The following GRM4 variants were observed in gnomAD, a reference collection of about 807,000 sequenced individuals.
The protein encoded by GRM4 is glutamate metabotropic receptor 4.
Under a neutral mutation model 81.7 loss-of-function variants are expected in GRM4, and 28 were observed. The observed-to-expected ratio is 0.34, with a 90% CI of 0.25 to 0.47. The LOEUF (loss-of-function observed/expected upper bound fraction) is 0.47. Among genes scored for constraint, GRM4 ranks in the 20% least tolerant of loss-of-function variants. The pLI, the probability that GRM4 is intolerant of heterozygous loss-of-function variation, is 1.00. For missense variants in GRM4, 948 were observed against 1,290.0 expected (o/e 0.73, Z 4.06); for synonymous variants, 488 against 528.8 (o/e 0.92, Z 1.06).
chr6:34,036,817 G>A lies in GRM4; in HGVS notation c.1507-214C>T, dbSNP rs1020716060. ...TAACTCAGACATAATTGACCTACAG[G>A]GAATCCTGACTGAACCCGAAACTCT... On this transcript the variant is annotated intron_variant, in intron 8 of 10. Transcript: ENST00000538487. The surrounding 1 kb of genome is among the most constrained non-coding windows in gnomAD (Gnocchi z 9.0). Among the ~76,000 whole-genome samples, 3 of 152,158 alleles carry A rather than the reference G, an allele frequency of 2.0e-5. No homozygotes were observed. Among genetic ancestry groups the A allele is most frequent in the African/African-American group, 7.2e-5 (3 of 41,414 alleles).
At chr6:34,026,592 C>T (rs115782256) in intron 10 of GRM4, among the ~76,000 whole-genome samples, 5,008 of 152,062 alleles carry the variant, frequency 0.033, 227 homozygotes, top group African/African-American at 0.1. Context: ...CCTGGGGATA[C>T]GGGGTCTCCC....
chr6:34,047,346 C>A lies in GRM4; in HGVS notation c.1169-6598G>T, dbSNP rs1410250567. On this transcript the variant is annotated intron_variant, in intron 6 of 10. Transcript: ENST00000538487. This position sits in a 1 kb window ranked among gnomAD's most constrained non-coding sequence, Gnocchi z 4.5. ...GAGGGATGCCCACCGCATAGACAGACCCAGACCTAGCCCAACATATGGATG... is the reference window on the plus strand; with the variant it reads ...GAGGGATGCCCACCGCATAGACAGAACCAGACCTAGCCCAACATATGGATG... Among the ~76,000 whole-genome samples the A allele has an allele frequency of 1.3e-5, 2 of 152,140 alleles. No individual in the cohort carries two copies. The highest frequency in any genetic ancestry group is 4.8e-5 in the African/African-American group (2 of 41,414).
intron 1 of GRM4, among the ~76,000 whole-genome samples, chr6:34,140,222 A>G (rs1476961396): frequency 1.3e-5 from 2 of 152,186 alleles, no homozygotes; most frequent in African/African-American, 4.8e-5. Context: ...GATTCCAAAG[A>G]GAAAGAACAG....
chr6:34,044,135 TATAC>T (rs1471462620), intron 6 of GRM4, among the ~76,000 whole-genome samples: 4 of 125,250 alleles, frequency 3.2e-5, no homozygotes, highest in African/African-American at 1.0e-4. Flanking sequence ...CACACACACA[TATAC>T]ATACATACAC....
chr6:34,035,653 G>GCCCCC lies in GRM4; in HGVS notation c.2442+10_2442+14dup. On this transcript the variant is annotated intron_variant, in intron 9 of 10. Transcript: ENST00000538487. The surrounding 1 kb of genome is among the most constrained non-coding windows in gnomAD (Gnocchi z 6.6). ...CTCACCTACCCACCGTCCACCCCCG[G>GCCCCC]CCCCCACCACTCACCTTGTCGGCCG... is the stretch of plus-strand genomic sequence containing the variant. 1 of 1,493,980 alleles carries GCCCCC rather than the reference G, an allele frequency of 6.7e-7. No homozygotes were observed. The highest frequency in any genetic ancestry group is 9.2e-7 in the Non-Finnish European group (1 of 1,087,638). 92.5% of individuals were successfully genotyped at this position (1,493,980 alleles called of 1,614,324 possible).
At chr6:34,128,363 C>CTT (rs140475647) in intron 2 of GRM4, among the ~76,000 whole-genome samples, 7,927 of 145,096 alleles carry the variant, frequency 0.055, 387 homozygotes, top group African/African-American at 0.13. Context: ...GACCTTAACT[C>CTT]TTTTTTTTTT....
rs1282244755 is a variant in GRM4 at position 34,068,874 on chromosome 6, G to T, written c.737-6846C>A. On this transcript the variant is annotated intron_variant, in intron 3 of 10. Transcript: ENST00000538487. The surrounding 1 kb of genome is among the most constrained non-coding windows in gnomAD (Gnocchi z 4.2). Reference sequence around the variant, plus strand: ...GGCCCGGCCTCTCGGGGCCCAGCCAGCTGGTCCTGAGGCCAGCAGAGACAT... The same window carrying T: ...GGCCCGGCCTCTCGGGGCCCAGCCATCTGGTCCTGAGGCCAGCAGAGACAT... 6.6e-6 allele frequency among the ~76,000 whole-genome samples: 1 copy of T among 152,194 alleles called. No individual in the cohort carries two copies. The highest frequency in any genetic ancestry group is 1.5e-5 in the Non-Finnish European group (1 of 68,028).
At chr6:34,084,271 C>T (rs1387629262) in intron 3 of GRM4, among the ~76,000 whole-genome samples, 1 of 152,158 alleles carries the variant, frequency 6.6e-6, no homozygotes. Flanking sequence ...CACTCTGCAG[C>T]GTGTGCTGAG....
At chr6:34,104,368 C>T (rs897141859) in intron 2 of GRM4, among the ~76,000 whole-genome samples, 5 of 152,240 alleles carry the variant, frequency 3.3e-5, no homozygotes, top group African/African-American at 1.2e-4. Context: ...TTCGTGTCAT[C>T]ATAACAGGAC....
intron 2 of GRM4, among the ~76,000 whole-genome samples, chr6:34,127,659 T>C (rs1208472672): frequency 6.6e-6 from 1 of 152,112 alleles, no homozygotes; most frequent in Non-Finnish European, 1.5e-5. Flanking sequence ...GCTTCTGTAA[T>C]GGGCTGGGTA....
Position 34,136,563 on chromosome 6 carries a change from G to GACACACACACACACACACACACAAAC in GRM4, c.-363-2705_-363-2704insGTTTGTGTGTGTGTGTGTGTGTGTGT, listed in dbSNP as rs1770464780. Among the ~76,000 whole-genome samples the GACACACACACACACACACACACAAAC allele has an allele frequency of 7.0e-6, 1 of 142,430 alleles. No homozygotes were observed. The highest frequency in any genetic ancestry group is 2.7e-5 in the African/African-American group (1 of 36,746). The allele number at this position is 142,430 out of a possible 152,430, so 93.4% of individuals were successfully genotyped here. On this transcript the variant is annotated intron_variant, in intron 1 of 10. Coordinates refer to ENST00000538487, the MANE Select transcript of GRM4 (RefSeq NM_000841.4). This position sits in a 1 kb window ranked among gnomAD's most constrained non-coding sequence, Gnocchi z 4.1. ...GCTGAGCAGTGCATGCGCGCGTGCG[G>GACACACACACACACACACACACAAAC]ACACACACACACACACACACACACA...
chr6:34,092,531 C>T lies in GRM4; in HGVS notation c.520-432G>A, dbSNP rs1199650221. 1.3e-5 allele frequency among the ~76,000 whole-genome samples: 2 copies of T among 152,076 alleles called. No individual in the cohort carries two copies. Among genetic ancestry groups the T allele is most frequent in the Non-Finnish European group, 2.9e-5 (2 of 68,004 alleles). ...CCCAGGCAGCTCCTCTGGTCAGGAC[C>T]CAGCAGACCCTGTCCCCACAGCTCT... On this transcript the variant is annotated intron_variant, in intron 2 of 10. Transcript: ENST00000538487. The surrounding 1 kb of genome is among the most constrained non-coding windows in gnomAD (Gnocchi z 6.8).
chr6:34,139,419 GC>G (rs1206005499), intron 1 of GRM4, among the ~76,000 whole-genome samples: 1 of 152,170 alleles, frequency 6.6e-6, no homozygotes, highest in Non-Finnish European at 1.5e-5. Context: ...TAAATCCATT[GC>G]CCCTGCCTTC....
chr6:34,136,935 TG>T lies in GRM4; in HGVS notation c.-363-3077del, dbSNP rs1257104310. On this transcript the variant is annotated intron_variant, in intron 1 of 10. Transcript: ENST00000538487. This position sits in a 1 kb window ranked among gnomAD's most constrained non-coding sequence, Gnocchi z 4.1. Reference sequence around the variant, plus strand: ...CACTGAGAGCAGAGGCAGGGTGTGGTGGGGTGGGTTGGGGTGGGGGCCAGGC... The same window carrying T: ...CACTGAGAGCAGAGGCAGGGTGTGGTGGGTGGGTTGGGGTGGGGGCCAGGC... 1.0e-5 allele frequency among the ~76,000 whole-genome samples: 1 copy of T among 96,054 alleles called. No individual in the cohort carries two copies. Among genetic ancestry groups the T allele is most frequent in the African/African-American group, 3.9e-5 (1 of 25,746 alleles). The allele number at this position is 96,054 out of a possible 152,430, so 63.0% of individuals were successfully genotyped here. A position where few individuals can be genotyped will look rare whatever the true frequency, so the allele number is the denominator to read the frequency against.
In GRM4 at chr6:34,069,305, G is replaced by GT. The variant is rs1372371586; in HGVS notation, c.737-7278dup. On this transcript the variant is annotated intron_variant, in intron 3 of 10. Coordinates refer to ENST00000538487, the MANE Select transcript of GRM4 (RefSeq NM_000841.4). This position sits in a 1 kb window ranked among gnomAD's most constrained non-coding sequence, Gnocchi z 6.4. The stretch of plus-strand genomic sequence containing the variant: ...CAGAAATAGCTGCTCAGAGGGCTTG[G>GT]TGACTGGTGACTGCTACTTTTATTT... Among the ~76,000 whole-genome samples the GT allele has an allele frequency of 2.0e-5, 3 of 152,188 alleles. No individual in the cohort carries two copies. Among genetic ancestry groups the GT allele is most frequent in the Non-Finnish European group, 4.4e-5 (3 of 68,034 alleles).
At chr6:34,140,279 C>G (rs1390290455) in intron 1 of GRM4, among the ~76,000 whole-genome samples, 1 of 152,006 alleles carries the variant, frequency 6.6e-6, no homozygotes, top group Admixed American at 6.5e-5. Flanking sequence ...ACTTGATGTT[C>G]GAGAATGAGC....
chr6:34,101,503 T>TAC lies in GRM4; in HGVS notation c.520-9406_520-9405dup, dbSNP rs530730728. On this transcript the variant is annotated intron_variant, in intron 2 of 10. Transcript: ENST00000538487. The stretch of plus-strand genomic sequence containing the variant: ...CATTTACACACACACATGCAACATC[T>TAC]ACACACACACACTGAGAATCTGAGG... Among the ~76,000 whole-genome samples, 686 of 152,262 alleles carry TAC rather than the reference T, an allele frequency of 4.5e-3. 3 individuals are homozygous for TAC. The highest frequency in any genetic ancestry group is 7.9e-3 in the Non-Finnish European group (536 of 68,016).
chr6:34,054,322 C>G (rs556176088), intron 6 of GRM4: 1 of 152,068 alleles, frequency 6.6e-6, no homozygotes, highest in Admixed American at 6.6e-5. Context: ...CCACTAAACC[C>G]GGCTAATTTT....
rs1477466875 is a variant in GRM4, at chr6:34,074,339, G to T, written c.737-12311C>A. Among the ~76,000 whole-genome samples, 1 of 152,220 alleles carries T rather than the reference G, an allele frequency of 6.6e-6. No homozygotes were observed. The highest frequency in any genetic ancestry group is 1.9e-4 in the East Asian group (1 of 5,196). ...CGAGACATAGCAGGGTTGCGGTGAG[G>T]ATTAGAGCGGATTGCCCGTGGACAG... On this transcript the variant is annotated intron_variant, in intron 3 of 10. Coordinates refer to ENST00000538487, the MANE Select transcript of GRM4 (RefSeq NM_000841.4). The surrounding 1 kb of genome is among the most constrained non-coding windows in gnomAD (Gnocchi z 4.9).
Sources: gnomAD v4.1 joint callset for allele counts (sites outside exome capture counted in the v4.1 genomes callset) on GRCh38, gnomAD v4.1.1 for gene constraint, Gnocchi (gnomAD v3.1) non-coding constraint, MANE v1.5 for transcripts, NCBI Gene and HGNC (gene_info 2026-07-23, HGNC 2026-07-21) for gene names.